The following GRID2 variants were observed in gnomAD, a reference collection of about 807,000 sequenced individuals.
GRID2 encodes glutamate ionotropic receptor delta type subunit 2, also known as glutamate receptor ionotropic, delta-2.
A neutral mutation model predicts 114.8 loss-of-function variants in GRID2; 33 were observed. That is an observed-to-expected ratio of 0.29 (90% CI 0.22 to 0.38). The LOEUF (loss-of-function observed/expected upper bound fraction) is 0.38, where lower values mean the gene tolerates loss of function less well. GRID2 is among the 10% of genes least tolerant of loss of function. The pLI, the probability that GRID2 is intolerant of heterozygous loss-of-function variation, is 1.00. For synonymous variants in GRID2, 505 were observed against 449.9 expected, an observed-to-expected ratio of 1.12 and a Z score of -1.55; for missense variants, 1,184 against 1,257.7, an observed-to-expected ratio of 0.94 and a Z score of 0.89.
At chr4:93,691,451 G>C (rs1301958756) in intron 14 of GRID2, among the ~76,000 whole-genome samples, 2 of 152,062 alleles carry the variant, frequency 1.3e-5, no homozygotes, top group Admixed American at 1.3e-4. Context: ...AGAGTAGCAA[G>C]GTATCATGAA....
At chr4:92,871,868 T>C (rs903041580) in intron 2 of GRID2, among the ~76,000 whole-genome samples, 1 of 152,180 alleles carries the variant, frequency 6.6e-6, no homozygotes, top group South Asian at 2.1e-4. Flanking sequence ...TGAAAATGTT[T>C]TTTACTACCT....
chr4:92,747,039 A>G (rs766188847), intron 2 of GRID2, among the ~76,000 whole-genome samples: 8 of 152,020 alleles, frequency 5.3e-5, no homozygotes, highest in South Asian at 4.1e-4. Flanking sequence ...AAATCCCCCA[A>G]TCCTTGAAAG....
intron 2 of GRID2, among the ~76,000 whole-genome samples, chr4:92,709,854 T>G (rs1735152730): frequency 6.6e-6 from 1 of 151,872 alleles, no homozygotes; most frequent in Admixed American, 6.6e-5. Context: ...GATGTATCTA[T>G]TAGATTTCTT....
At chr4:93,783,661 A>G (rs1734526603) in intron 1 of GRID2, among the ~76,000 whole-genome samples, 2 of 152,334 alleles carry the variant, frequency 1.3e-5, no homozygotes, top group South Asian at 4.1e-4. Flanking sequence ...CACTGCTCAA[A>G]TACCAGCACA....
At chr4:92,692,687 T>C (rs1734232987) in intron 2 of GRID2, among the ~76,000 whole-genome samples, 1 of 152,116 alleles carries the variant, frequency 6.6e-6, no homozygotes, top group African/African-American at 2.4e-5. Flanking sequence ...GAAGATGGAA[T>C]TTTGGTATTT....
intron 2 of GRID2, among the ~76,000 whole-genome samples, chr4:92,767,236 A>G (rs1738311647): frequency 6.6e-6 from 1 of 152,216 alleles, no homozygotes; most frequent in Admixed American, 6.5e-5. Flanking sequence ...ACCAACAGAC[A>G]GAAAGTATCT....
chr4:92,985,560 C>T (rs762636988), intron 2 of GRID2, among the ~76,000 whole-genome samples: 9 of 152,030 alleles, frequency 5.9e-5, no homozygotes, highest in Non-Finnish European at 8.8e-5. Context: ...TTTATATGGT[C>T]TCCTTTATCT....
intron 14 of GRID2, among the ~76,000 whole-genome samples, chr4:93,698,185 A>G (rs901888912): frequency 6.6e-6 from 1 of 152,110 alleles, no homozygotes; most frequent in African/African-American, 2.4e-5. Flanking sequence ...TCAAAAAATT[A>G]TAGAAATCGC....
intron 8 of GRID2, among the ~76,000 whole-genome samples, chr4:93,276,041 A>G (rs1752025116): frequency 6.6e-6 from 1 of 151,858 alleles, no homozygotes; most frequent in Non-Finnish European, 1.5e-5. Flanking sequence ...CAAGGTCCCA[A>G]AACTTTTCTC....
intron 1 of GRID2, among the ~76,000 whole-genome samples, chr4:92,421,321 A>G (rs1731896828): frequency 6.6e-6 from 1 of 152,090 alleles, no homozygotes. Flanking sequence ...CAGTGGAACA[A>G]TGGATGTGTT....
rs570456711 is a variant in GRID2, at chr4:92,445,877, TGTG to T, written c.88+141134_88+141136del. On this transcript the variant is annotated intron_variant, in intron 1 of 15. Coordinates refer to ENST00000282020, the MANE Select transcript of GRID2 (RefSeq NM_001510.4). Reference sequence around the variant, plus strand: ...ATCATTTCCCATGCTTTAATGTCACTGTGAACACATTTTTAATTTTTTCTAATG... The same window carrying T: ...ATCATTTCCCATGCTTTAATGTCACTAACACATTTTTAATTTTTTCTAATG... Among the ~76,000 whole-genome samples, 15 of 152,380 alleles carry T rather than the reference TGTG, an allele frequency of 9.8e-5. No individual in the cohort carries two copies. The South Asian group carries it at 2.9e-3, about 29-fold the overall frequency.
intron 12 of GRID2, among the ~76,000 whole-genome samples, chr4:93,514,422 TACACACAC>T (rs56718347): frequency 2.9e-4 from 41 of 139,752 alleles, no homozygotes; most frequent in Middle Eastern, 3.6e-3. Context: ...ACCTCCACAG[TACACACAC>T]ACACACACAC....
At chr4:92,306,627 A>G (rs569506202) in intron 1 of GRID2, among the ~76,000 whole-genome samples, 60 of 152,240 alleles carry the variant, frequency 3.9e-4, no homozygotes, top group Non-Finnish European at 7.6e-4. Context: ...TGTGGTCTGC[A>G]TGATAAATAC....
At chr4:93,536,406 A>G (rs1215712368) in intron 13 of GRID2, among the ~76,000 whole-genome samples, 2 of 151,896 alleles carry the variant, frequency 1.3e-5, no homozygotes, top group Admixed American at 1.3e-4. Flanking sequence ...ACCAATGCAT[A>G]TACAGTCAAC....
At chr4:92,796,081 A>C (rs569762144) in intron 2 of GRID2, among the ~76,000 whole-genome samples, 1 of 151,890 alleles carries the variant, frequency 6.6e-6, no homozygotes. Context: ...ATCATCCTTA[A>C]TACTGTAATC....
At chr4:92,683,144 C>A (rs1011700366) in intron 2 of GRID2, among the ~76,000 whole-genome samples, 2 of 151,264 alleles carry the variant, frequency 1.3e-5, no homozygotes, top group South Asian at 2.1e-4. Flanking sequence ...CTAAAAATAC[C>A]AAAACTTAGC....
chr4:92,996,791 A>G (rs757844545), intron 2 of GRID2, among the ~76,000 whole-genome samples: 31 of 152,240 alleles, frequency 2.0e-4, no homozygotes, highest in Non-Finnish European at 2.2e-4. Context: ...CTTGTAGCAA[A>G]TATAAGAGTC....
At chr4:92,372,987 T>A (rs1729188587) in intron 1 of GRID2, among the ~76,000 whole-genome samples, 1 of 152,136 alleles carries the variant, frequency 6.6e-6, no homozygotes, top group Non-Finnish European at 1.5e-5. Context: ...TCAAACAAGT[T>A]GGTTTTATTG....
At chr4:92,675,434 T>C (rs1238119194) in intron 2 of GRID2, among the ~76,000 whole-genome samples, 3 of 152,118 alleles carry the variant, frequency 2.0e-5, no homozygotes, top group African/African-American at 7.2e-5. Flanking sequence ...CCCTCCTCTC[T>C]AATACTCTGT....
Sources: gnomAD v4.1 joint callset for allele counts (sites outside exome capture counted in the v4.1 genomes callset) on GRCh38, gnomAD v4.1.1 for gene constraint, MANE v1.5 for transcripts, NCBI Gene and HGNC (gene_info 2026-07-23, HGNC 2026-07-21) for gene names.